Variants in P3H2 observed in about 807,000 individuals in gnomAD.
The protein encoded by P3H2 is prolyl 3-hydroxylase 2.
A neutral mutation model predicts 87.0 loss-of-function variants in P3H2; 80 were observed. That is an observed-to-expected ratio of 0.92 (90% CI 0.77 to 1.11). The LOEUF is 1.11. P3H2 is among the 50% of genes least tolerant of loss of function. The pLI, the probability that P3H2 is intolerant of heterozygous loss-of-function variation, is 0.00. For synonymous variants in P3H2, 367 were observed against 359.3 expected (o/e 1.02, Z -0.24); for missense variants, 1,001 against 923.9 (o/e 1.08, Z -1.08).
At chr3:189,964,560 G>A (rs77265128) in intron 13 of P3H2, among the ~76,000 whole-genome samples, 38,614 of 152,150 alleles carry the variant, frequency 0.25, 5,088 homozygotes, top group Admixed American at 0.32. Context: ...GGTTACATGA[G>A]CGTATACGCT....
chr3:190,090,383 T>A (rs1409143791), intron 1 of P3H2, among the ~76,000 whole-genome samples: 1 of 152,186 alleles, frequency 6.6e-6, no homozygotes, highest in African/African-American at 2.4e-5. Context: ...CAGTTCTCAC[T>A]GAGCATATTT....
intron 1 of P3H2, among the ~76,000 whole-genome samples, chr3:190,013,292 A>G (rs1180309903): frequency 2.0e-5 from 3 of 152,244 alleles, no homozygotes; most frequent in Non-Finnish European, 4.4e-5. Flanking sequence ...AATTTATTAT[A>G]CCACCAAGTT....
chr3:189,982,978 A>G, intron 8 of P3H2, 68 bp downstream of exon 8: 1 of 1,195,720 alleles, frequency 8.4e-7, no homozygotes, highest in Non-Finnish European at 1.3e-6. Context: ...CTTGATCTGG[A>G]AAAGAACTGG....
intron 13 of P3H2, 124 bp downstream of exon 13, chr3:189,970,692 C>G (rs1002228254): frequency 1.9e-5 from 13 of 686,676 alleles, no homozygotes; most frequent in Non-Finnish European, 3.2e-5. Context: ...TACTGAAACT[C>G]TCTTAACCTC....
chr3:189,968,265 G>A (rs1723061031), intron 13 of P3H2, among the ~76,000 whole-genome samples: 1 of 152,074 alleles, frequency 6.6e-6, no homozygotes, highest in Non-Finnish European at 1.5e-5. Context: ...CCCCCTGACA[G>A]GCCCTGGTGT....
At chr3:189,988,159 C>A (rs182635972) in intron 4 of P3H2, among the ~76,000 whole-genome samples, 2 of 152,130 alleles carry the variant, frequency 1.3e-5, no homozygotes, top group African/African-American at 2.4e-5. Context: ...CATAGAGTCC[C>A]AGATGTTCTG....
chr3:190,023,072 C>A (rs557355851), intron 1 of P3H2, among the ~76,000 whole-genome samples: 1 of 152,028 alleles, frequency 6.6e-6, no homozygotes, highest in East Asian at 1.9e-4. Flanking sequence ...ACGATCCGCC[C>A]GCCTTGGCCT....
At chr3:190,103,857 T>C (rs1428974188) in intron 1 of P3H2, among the ~76,000 whole-genome samples, 1 of 152,100 alleles carries the variant, frequency 6.6e-6, no homozygotes. Context: ...AGTGGTGCGA[T>C]CTCGGCTCAC....
At chr3:189,992,666 AATCTTT>A (rs1326251375) in intron 3 of P3H2, among the ~76,000 whole-genome samples, 1 of 152,214 alleles carries the variant, frequency 6.6e-6, no homozygotes, top group South Asian at 2.1e-4. Flanking sequence ...CACATCACTT[AATCTTT>A]TTCAGATAAA....
At chr3:190,090,341 G>C (rs2108985235) in intron 1 of P3H2, among the ~76,000 whole-genome samples, 1 of 152,248 alleles carries the variant, frequency 6.6e-6, no homozygotes. Flanking sequence ...TGTACAGAAA[G>C]GTAAATAAAC....
chr3:190,026,832 G>A (rs967119), intron 1 of P3H2, among the ~76,000 whole-genome samples: 43,344 of 151,968 alleles, frequency 0.29, 6,284 homozygotes, highest in East Asian at 0.44. Context: ...AATATCATAC[G>A]GGTATTAGTT....
At chr3:189,991,383 C>T (rs1440821523) in intron 3 of P3H2, among the ~76,000 whole-genome samples, 3 of 152,114 alleles carry the variant, frequency 2.0e-5, no homozygotes, top group Non-Finnish European at 4.4e-5. Context: ...CTATAAGAAA[C>T]CTTAAAAATA....
intron 1 of P3H2, among the ~76,000 whole-genome samples, chr3:190,053,703 G>A (rs7355899): frequency 5.3e-5 from 8 of 151,790 alleles, no homozygotes; most frequent in African/African-American, 1.2e-4. Context: ...GGTGATCCAC[G>A]CGCCTCGGCC....
chr3:190,038,257 C>T (rs1725487453), intron 1 of P3H2, among the ~76,000 whole-genome samples: 1 of 124,882 alleles, frequency 8.0e-6, no homozygotes, highest in African/African-American at 3.0e-5. Flanking sequence ...AAAAAAAAAA[C>T]TGTCACAAAC....
chr3:190,119,269 G>A (rs838276), intron 1 of P3H2, among the ~76,000 whole-genome samples: 46,299 of 150,266 alleles, frequency 0.31, 7,163 homozygotes, highest in East Asian at 0.48. Flanking sequence ...TGGTCCATTG[G>A]CTAGCATGAA....
chr3:189,995,204 T>C, intron 2 of P3H2, 86 bp downstream of exon 2: 1 of 1,250,860 alleles, frequency 8.0e-7, no homozygotes, highest in Non-Finnish European at 1.2e-6. Context: ...TTATGAGATA[T>C]TCATTCATAG....
intron 1 of P3H2, among the ~76,000 whole-genome samples, chr3:190,096,849 C>A (rs1727604782): frequency 6.6e-6 from 1 of 152,152 alleles, no homozygotes. Flanking sequence ...ATAAAGACAG[C>A]ATCATGAAAA....
At chr3:190,086,170 C>T (rs1727204221) in intron 1 of P3H2, among the ~76,000 whole-genome samples, 1 of 152,168 alleles carries the variant, frequency 6.6e-6, no homozygotes, top group South Asian at 2.1e-4. Context: ...CTTCCTAATA[C>T]ATCTGGGACT....
chr3:190,002,221 A>G (rs992508959), intron 1 of P3H2, among the ~76,000 whole-genome samples: 2 of 152,144 alleles, frequency 1.3e-5, no homozygotes, highest in Non-Finnish European at 2.9e-5. Context: ...CAATTCAGTT[A>G]TAAGAAAAAA....
Sources: allele counts gnomAD v4.1 joint callset (sites outside exome capture counted in the v4.1 genomes callset), GRCh38; gene constraint gnomAD v4.1.1; transcripts MANE v1.5; gene names NCBI Gene and HGNC (gene_info 2026-07-23, HGNC 2026-07-21).